Variants in CYP2J2 observed in about 807,000 individuals in gnomAD.
CYP2J2 encodes the protein cytochrome P450 family 2 subfamily J member 2.
Under a neutral mutation model 48.8 loss-of-function variants are expected in CYP2J2, and 41 were observed. That is an observed-to-expected ratio of 0.84 (90% CI 0.66 to 1.09). CYP2J2 has a LOEUF of 1.09. Among genes scored for constraint, CYP2J2 ranks in the 50% least tolerant of loss-of-function variants. CYP2J2 has a pLI of 0.00. For synonymous variants in CYP2J2, 221 were observed against 227.1 expected (o/e 0.97, Z 0.24); for missense variants, 644 against 617.3 (o/e 1.04, Z -0.46).
At chr1:59,930,764 A>G (rs1203581831), upstream of CYP2J2, among the ~76,000 whole-genome samples, 1 of 152,094 alleles carries the variant, frequency 6.6e-6, no homozygotes, top group Admixed American at 6.6e-5. Context: ...AGCTATCTCC[A>G]GATTAAAAAA....
chr1:59,932,920 C>T, the CYP2J2 span, among the ~76,000 whole-genome samples: 45 of 152,100 alleles, frequency 3.0e-4, no homozygotes, highest in African/African-American at 1.0e-3. Context: ...CAGCTGGTCT[C>T]GAAGTCCTGA....
chr1:59,922,230 T>C (rs1644522953), intron 1 of CYP2J2, among the ~76,000 whole-genome samples: 2 of 152,190 alleles, frequency 1.3e-5, no homozygotes, highest in Non-Finnish European at 2.9e-5. Context: ...TCCTTATTTG[T>C]TATTATTTAG....
chr1:59,906,659 C>T (rs1644367939), intron 6 of CYP2J2, among the ~76,000 whole-genome samples: 1 of 152,120 alleles, frequency 6.6e-6, no homozygotes, highest in African/African-American at 2.4e-5. Context: ...CTCCCTCAGC[C>T]TCTGGCCACC....
the CYP2J2 span, among the ~76,000 whole-genome samples, chr1:59,935,745 A>G: frequency 6.6e-6 from 1 of 152,194 alleles, no homozygotes; most frequent in East Asian, 1.9e-4. Flanking sequence ...TCAGGATGTC[A>G]GTCTGATATC....
chr1:59,907,119 T>C (rs532938319), intron 6 of CYP2J2, among the ~76,000 whole-genome samples: 22 of 152,260 alleles, frequency 1.4e-4, no homozygotes, highest in African/African-American at 4.8e-4. Context: ...ATGATAAGCC[T>C]AGTAATAAAG....
At chr1:59,898,109 C>T (rs1359995298) in intron 8 of CYP2J2, among the ~76,000 whole-genome samples, 3 of 152,184 alleles carry the variant, frequency 2.0e-5, no homozygotes, top group African/African-American at 7.2e-5. Context: ...AACAAAGCAG[C>T]CTCAATTTTC....
chr1:59,957,531 A>G, the CYP2J2 span, among the ~76,000 whole-genome samples: 1 of 152,136 alleles, frequency 6.6e-6, no homozygotes, highest in Non-Finnish European at 1.5e-5. Context: ...TGCTACACTA[A>G]AACCAGGAGG....
chr1:59,920,919 A>T (rs887542540), intron 1 of CYP2J2, among the ~76,000 whole-genome samples: 1 of 152,148 alleles, frequency 6.6e-6, no homozygotes, highest in Non-Finnish European at 1.5e-5. Flanking sequence ...TATGGCTCAG[A>T]CCATTTTCCC....
At chr1:59,965,233 G>T in the CYP2J2 span, among the ~76,000 whole-genome samples, 2 of 152,218 alleles carry the variant, frequency 1.3e-5, no homozygotes, top group East Asian at 3.9e-4. Flanking sequence ...ACCAAGTAAA[G>T]ATATTAAACA....
the CYP2J2 span, among the ~76,000 whole-genome samples, chr1:59,935,023 T>TATATATATATATATATATATAC: frequency 1.3e-3 from 97 of 75,286 alleles, 3 homozygotes; most frequent in Non-Finnish European, 2.2e-3. Flanking sequence ...TACATATATA[T>TATATATATATATATATATATAC]ATATATATAT....
Position 59,912,193 on chromosome 1 carries a change from T to C in CYP2J2, c.492A>G (p.Gln164=). The change falls in exon 3 of 9, where the codon CAA becomes CAG. Residue 164 remains glutamine, a synonymous_variant. Transcript: ENST00000371204. ...CCTCTTTTATTGCTTCAGTGAGGTG[T>C]TGGGCCTCCTCCTGAATGCGTTCCT... ...SLEERIQEEA[Q]HLTEAIKEEN... 1 of 1,613,800 alleles carries C rather than the reference T, an allele frequency of 6.2e-7. No individual in the cohort carries two copies.
At chr1:59,955,611 TAAAC>T in the CYP2J2 span, among the ~76,000 whole-genome samples, 1 of 152,062 alleles carries the variant, frequency 6.6e-6, no homozygotes, top group Non-Finnish European at 1.5e-5. Flanking sequence ...GTAATTAAAA[TAAAC>T]ATCACCAATG....
At position 59,915,099 on chromosome 1, in the gene CYP2J2, G is replaced by T. The variant is rs571658667; in HGVS notation, c.373+839C>A. On this transcript the variant is annotated intron_variant, in intron 2 of 8. Transcript: ENST00000371204. ...ACTTATTTGTGACACAGATTCCTTTGCTCACATGTTTTCTTGCTGACCTTC... is the reference window on the plus strand; with the variant it reads ...ACTTATTTGTGACACAGATTCCTTTTCTCACATGTTTTCTTGCTGACCTTC... Among the ~76,000 whole-genome samples, 8 of 152,282 alleles carry T rather than the reference G, an allele frequency of 5.3e-5. 1 individual carries two copies. The South Asian group carries it at 1.7e-3, about 32-fold the overall frequency.
At chr1:59,907,103 T>C (rs1644371274) in intron 6 of CYP2J2, among the ~76,000 whole-genome samples, 3 of 152,132 alleles carry the variant, frequency 2.0e-5, no homozygotes, top group Admixed American at 6.5e-5. Flanking sequence ...TATATATAGA[T>C]AATACATGAT....
At chr1:59,946,806 A>G in the CYP2J2 span, among the ~76,000 whole-genome samples, 47 of 152,312 alleles carry the variant, frequency 3.1e-4, 1 homozygote, top group East Asian at 8.7e-3. Flanking sequence ...CACCAATACA[A>G]TTTCTAAATA....
rs768309780 is a variant in CYP2J2 at position 59,911,762 on chromosome 1, G to C, written c.530C>G (p.Pro177Arg). The C allele has an allele frequency of 6.2e-7, 1 of 1,612,614 alleles. No homozygotes were observed. Among genetic ancestry groups the C allele is most frequent in the South Asian group, 1.1e-5 (1 of 90,686 alleles). ...TEAIKEENGQ[P>R]FDPHFKINNA... The stretch of plus-strand genomic sequence containing the variant: ...GTTGATCTTGAAATGAGGGTCAAAA[G>C]GCTGTCCTGAAGGTGGAGGAAGGGC... The change falls in exon 4 of 9, where the codon CCT becomes CGT. Residue 177 changes from proline (P) to arginine (R), a missense_variant. By Grantham distance (103) the Pro-to-Arg change is moderately radical. Coordinates refer to ENST00000371204, the MANE Select transcript of CYP2J2 (RefSeq NM_000775.4).
the CYP2J2 span, among the ~76,000 whole-genome samples, chr1:59,964,122 G>C: frequency 2.4e-4 from 37 of 152,270 alleles, no homozygotes; most frequent in African/African-American, 8.4e-4. Flanking sequence ...CGTAGTGTCT[G>C]ATCAATCATG....
chr1:59,950,007 G>A, the CYP2J2 span, among the ~76,000 whole-genome samples: 1 of 152,092 alleles, frequency 6.6e-6, no homozygotes, highest in East Asian at 1.9e-4. Flanking sequence ...TTTGGGAATG[G>A]GGAAGAAGCA....
chr1:59,949,965 G>A, the CYP2J2 span, among the ~76,000 whole-genome samples: 1 of 152,076 alleles, frequency 6.6e-6, no homozygotes, highest in Non-Finnish European at 1.5e-5. Context: ...TCCTCCTGTT[G>A]TTGTTCTGTA....
Sources: allele counts gnomAD v4.1 joint callset (sites outside exome capture counted in the v4.1 genomes callset), GRCh38; gene constraint gnomAD v4.1.1; transcripts MANE v1.5; gene names NCBI Gene and HGNC (gene_info 2026-07-23, HGNC 2026-07-21).